Variants in NUGGC observed in about 807,000 individuals in gnomAD.
The protein encoded by NUGGC is nuclear GTPase, germinal center associated.
A neutral mutation model predicts 92.6 loss-of-function variants in NUGGC; 58 were observed. That is an observed-to-expected ratio of 0.63 (90% CI 0.51 to 0.78). The LOEUF is 0.78. Among genes scored for constraint, NUGGC ranks in the 30% least tolerant of loss-of-function variants. The pLI, the probability that NUGGC is intolerant of heterozygous loss-of-function variation, is 0.00. For synonymous variants in NUGGC, 376 were observed against 366.4 expected (o/e 1.03, Z -0.30); for missense variants, 925 against 964.6 (o/e 0.96, Z 0.54).
At chr8:28,033,476 T>C (rs1424354629) in intron 14 of NUGGC, 64 bp downstream of exon 14, 25 of 1,503,816 alleles carry the variant, frequency 1.7e-5, no homozygotes, top group Middle Eastern at 1.7e-4. Flanking sequence ...TCTAAATTCT[T>C]AAAGACTGGC....
At chr8:28,060,989 C>T (rs1446209515) in intron 7 of NUGGC, among the ~76,000 whole-genome samples, 1 of 152,214 alleles carries the variant, frequency 6.6e-6, no homozygotes, top group Non-Finnish European at 1.5e-5. Context: ...ATCCACCTCA[C>T]CTCAAGCCCA....
Position 28,025,455 on chromosome 8 carries a change from G to C in NUGGC, c.2245+1507C>G, listed in dbSNP as rs1809233832. 1.3e-5 allele frequency among the ~76,000 whole-genome samples: 2 copies of C among 152,232 alleles called. 1 individual carries two copies. On this transcript the variant is annotated intron_variant, in intron 18 of 18. Coordinates refer to ENST00000413272, the MANE Select transcript of NUGGC (RefSeq NM_001010906.2). ...TTCAGAGACAGAGTGGTTATTCAGG[G>C]CTGGGATGCGGGGAAGCTTCACTGA...
chr8:28,069,949 A>T lies in NUGGC; in HGVS notation c.149-297T>A, dbSNP rs117967611. The stretch of plus-strand genomic sequence containing the variant: ...TAGATTTTTCCCTCCTGTGGTCATA[A>T]AAAGAAAGAAAAAATGCAAGGACAC... On this transcript the variant is annotated intron_variant, in intron 3 of 18. Coordinates refer to ENST00000413272, the MANE Select transcript of NUGGC (RefSeq NM_001010906.2). Among the ~76,000 whole-genome samples, 572 of 152,296 alleles carry T rather than the reference A, an allele frequency of 3.8e-3. 3 individuals are homozygous for T. Among genetic ancestry groups the T allele is most frequent in the East Asian group, 0.033 (172 of 5,188 alleles).
intron 1 of NUGGC, among the ~76,000 whole-genome samples, chr8:28,081,485 T>C (rs575139629): frequency 2.0e-5 from 3 of 152,308 alleles, no homozygotes; most frequent in African/African-American, 7.2e-5. Context: ...CCACGTCTGT[T>C]AGTCTTTGGG....
intron 10 of NUGGC, among the ~76,000 whole-genome samples, chr8:28,052,157 C>G (rs558741586): frequency 3.9e-5 from 6 of 152,250 alleles, no homozygotes; most frequent in African/African-American, 1.4e-4. Flanking sequence ...ATTGTGATCC[C>G]CAATCTTCAA....
At chr8:28,071,474 A>G (rs538742644) in intron 2 of NUGGC, among the ~76,000 whole-genome samples, 1 of 152,346 alleles carries the variant, frequency 6.6e-6, no homozygotes, top group East Asian at 1.9e-4. Flanking sequence ...CCCTTCAGAG[A>G]TCCTTCAAAA....
intron 10 of NUGGC, among the ~76,000 whole-genome samples, chr8:28,051,267 A>G (rs1396352491): frequency 2.0e-5 from 3 of 152,176 alleles, no homozygotes; most frequent in African/African-American, 7.2e-5. Context: ...TTTAAATGCT[A>G]AAGGGAGTAA....
rs1426877698 is a variant in NUGGC at position 28,064,559 on chromosome 8, C to T, written c.884G>A (p.Gly295Asp). Residue 295 changes from glycine (G) to aspartate (D), a missense_variant, in exon 7 of 19, where the codon GGC (glycine) becomes GAC (aspartate). Physicochemically the swap from Gly to Asp is moderately conservative, Grantham distance 94. Coordinates refer to ENST00000413272, the MANE Select transcript of NUGGC (RefSeq NM_001010906.2). ...CTCGTCCCTCTTGCTGTTGAAGTCG[C>T]CTGTGCCTGGGATGTCCACCAGCAC... ...GVVLVDIPGT[G>D]DFNSKRDEMW... The T allele has an allele frequency of 1.2e-6, 2 of 1,613,950 alleles. No individual in the cohort carries two copies. The highest frequency in any genetic ancestry group is 1.7e-6 in the Non-Finnish European group (2 of 1,179,914).
intron 14 of NUGGC, among the ~76,000 whole-genome samples, chr8:28,031,617 G>A (rs1809420476): frequency 6.6e-6 from 1 of 152,248 alleles, no homozygotes; most frequent in Non-Finnish European, 1.5e-5. Context: ...GGTTCAGAGA[G>A]GATTGCTGGT....
chr8:28,035,356 G>C (rs535403392), intron 13 of NUGGC, among the ~76,000 whole-genome samples: 1 of 152,202 alleles, frequency 6.6e-6, no homozygotes, highest in South Asian at 2.1e-4. Flanking sequence ...GGATCTGTGG[G>C]TCAGGACTGG....
chr8:28,037,654 C>CT (rs1301545860), intron 13 of NUGGC, among the ~76,000 whole-genome samples: 1 of 152,196 alleles, frequency 6.6e-6, no homozygotes, highest in African/African-American at 2.4e-5. Flanking sequence ...AAGGCATTCT[C>CT]TTTTCTCAGG....
intron 10 of NUGGC, among the ~76,000 whole-genome samples, chr8:28,052,761 G>A (rs1810038046): frequency 6.6e-6 from 1 of 152,188 alleles, no homozygotes; most frequent in Non-Finnish European, 1.5e-5. Context: ...GGTCACAGCT[G>A]TTCACATTGC....
At chr8:28,028,999 C>A (rs911465434) in intron 17 of NUGGC, among the ~76,000 whole-genome samples, 1 of 152,116 alleles carries the variant, frequency 6.6e-6, no homozygotes, top group Non-Finnish European at 1.5e-5. Context: ...ATAGTACCTA[C>A]CTCACAGACT....
chr8:28,048,844 CAGAG>C (rs1247769733), intron 10 of NUGGC, among the ~76,000 whole-genome samples: 2 of 122,624 alleles, frequency 1.6e-5, no homozygotes, highest in African/African-American at 6.5e-5. Context: ...GCCTGGGTGA[CAGAG>C]AGATTCCATC....
At chr8:28,031,494 C>A in intron 14 of NUGGC, 113 bp from the exon 15 acceptor site, 1 of 1,036,376 alleles carries the variant, frequency 9.6e-7, no homozygotes, top group Non-Finnish European at 1.4e-6. Context: ...AAGATGAAAT[C>A]TAACAGTTAT....
intron 1 of NUGGC, among the ~76,000 whole-genome samples, chr8:28,081,315 C>A (rs759999682): frequency 6.7e-6 from 1 of 148,232 alleles, no homozygotes; most frequent in Non-Finnish European, 1.5e-5. Flanking sequence ...CGAGACTCCA[C>A]GTCAAAAAAA....
chr8:28,069,177 G>C (rs146550906), intron 4 of NUGGC, among the ~76,000 whole-genome samples: 1 of 152,128 alleles, frequency 6.6e-6, no homozygotes. Context: ...AATAATTGGG[G>C]ACATGAGCTC....
intron 1 of NUGGC, among the ~76,000 whole-genome samples, chr8:28,081,729 T>A (rs544644899): frequency 3.3e-5 from 5 of 152,080 alleles, no homozygotes; most frequent in African/African-American, 1.2e-4. Flanking sequence ...ATACAAAAAA[T>A]TAGCCAGCCG....
At chr8:28,035,405 A>G (rs1809529592) in intron 13 of NUGGC, among the ~76,000 whole-genome samples, 1 of 152,036 alleles carries the variant, frequency 6.6e-6, no homozygotes, top group Non-Finnish European at 1.5e-5. Context: ...GATTCTCCTG[A>G]GGTTTGGTCA....
Sources: allele counts gnomAD v4.1 joint callset (sites outside exome capture counted in the v4.1 genomes callset), GRCh38; gene constraint gnomAD v4.1.1; transcripts MANE v1.5; gene names NCBI Gene and HGNC (gene_info 2026-07-23, HGNC 2026-07-21).